The following IL1RAPL1 variants were observed in gnomAD, a reference collection of about 807,000 sequenced individuals.
The protein encoded by IL1RAPL1 is interleukin 1 receptor accessory protein like 1.
Under a neutral mutation model 48.4 loss-of-function variants are expected in IL1RAPL1, and 3 were observed. The ratio of observed to expected loss-of-function variants is 0.06; its 90% CI spans 0.03 to 0.16. The LOEUF (loss-of-function observed/expected upper bound fraction) is 0.16. Among genes scored for constraint, IL1RAPL1 ranks in the 10% least tolerant of loss-of-function variants. IL1RAPL1 has a pLI of 1.00. For missense variants in IL1RAPL1, 349 were observed against 530.6 expected (o/e 0.66, Z 3.36); for synonymous variants, 185 against 187.7 (o/e 0.99, Z 0.12).
chrX:29,469,120 A>T (rs1934894630), intron 5 of IL1RAPL1, among the ~76,000 whole-genome samples: 1 of 112,349 alleles, frequency 8.9e-6, no homozygotes, highest in Admixed American at 9.4e-5. Context: ...GTCTTGTGCC[A>T]AATTTTCTTT....
chrX:29,382,685 ATTTG>A (rs1403002930), intron 3 of IL1RAPL1, among the ~76,000 whole-genome samples: 1 of 111,460 alleles, frequency 9.0e-6, no homozygotes, highest in Non-Finnish European at 1.9e-5. Context: ...TTATTTATGT[ATTTG>A]TTTATTTATT....
intron 3 of IL1RAPL1, among the ~76,000 whole-genome samples, chrX:29,353,527 G>A (rs1602190132): frequency 9.0e-6 from 1 of 111,559 alleles, no homozygotes; most frequent in East Asian, 2.8e-4. Context: ...GACCTCAAAA[G>A]AATACCCTTG....
chrX:29,933,889 CAG>C (rs746228480), intron 8 of IL1RAPL1, among the ~76,000 whole-genome samples: 488 of 110,653 alleles, frequency 4.4e-3, no homozygotes, highest in Non-Finnish European at 6.4e-3. Flanking sequence ...GCCGTATGAG[CAG>C]AGACTTGAAG....
chrX:29,692,034 T>A (rs1406234082), intron 6 of IL1RAPL1, among the ~76,000 whole-genome samples: 1 of 112,239 alleles, frequency 8.9e-6, no homozygotes, highest in Non-Finnish European at 1.9e-5. Flanking sequence ...CACAAAGAAT[T>A]TATTCTCATT....
intron 5 of IL1RAPL1, among the ~76,000 whole-genome samples, chrX:29,600,858 A>G (rs1267227379): frequency 9.0e-6 from 1 of 111,236 alleles, no homozygotes; most frequent in Non-Finnish European, 1.9e-5. Flanking sequence ...AAAAGCAGAC[A>G]GTCACAGATC....
intron 2 of IL1RAPL1, among the ~76,000 whole-genome samples, chrX:28,856,384 A>G (rs905312639): frequency 1.8e-5 from 2 of 112,094 alleles, no homozygotes; most frequent in African/African-American, 6.5e-5. Flanking sequence ...AACTTGGAAC[A>G]AAGGAGTTTT....
intron 1 of IL1RAPL1, among the ~76,000 whole-genome samples, chrX:28,787,688 A>G (rs1377142678): frequency 1.8e-5 from 2 of 111,731 alleles, no homozygotes; most frequent in Non-Finnish European, 3.8e-5. Context: ...GTTTTAACAG[A>G]CTTATTAATA....
At chrX:28,792,080 T>C (rs2147266421) in intron 2 of IL1RAPL1, among the ~76,000 whole-genome samples, 1 of 112,205 alleles carries the variant, frequency 8.9e-6, no homozygotes, top group Admixed American at 9.4e-5. Context: ...GGACTTCTTA[T>C]CTTTCTTCTT....
intron 6 of IL1RAPL1, among the ~76,000 whole-genome samples, chrX:29,816,531 CA>C (rs1279566795): frequency 5.2e-4 from 54 of 103,075 alleles, no homozygotes; most frequent in Admixed American, 1.1e-3. Context: ...GAAACTATTC[CA>C]AAAAAAAAAA....
intron 3 of IL1RAPL1, among the ~76,000 whole-genome samples, chrX:29,306,551 A>AAAAC (rs1569281384): frequency 1.0e-5 from 1 of 100,230 alleles, no homozygotes; most frequent in African/African-American, 3.7e-5. Flanking sequence ...AAAAAAAAAA[A>AAAAC]AACGAAAAAA....
chrX:29,067,165 A>C (rs1235894808), intron 2 of IL1RAPL1, among the ~76,000 whole-genome samples: 3 of 111,660 alleles, frequency 2.7e-5, no homozygotes, highest in Non-Finnish European at 5.6e-5. Context: ...TACAGAGCTC[A>C]TCATACTGCT....
intron 2 of IL1RAPL1, among the ~76,000 whole-genome samples, chrX:29,005,371 G>A (rs1158191250): frequency 2.7e-5 from 3 of 112,159 alleles, no homozygotes; most frequent in East Asian, 2.8e-4. Context: ...GTTAAGTGAA[G>A]TTGAATGCAT....
chrX:28,900,608 A>G (rs1470760863), intron 2 of IL1RAPL1, among the ~76,000 whole-genome samples: 2 of 112,438 alleles, frequency 1.8e-5, no homozygotes, highest in Non-Finnish European at 3.8e-5. Flanking sequence ...ATAATTGACA[A>G]TGTTTTAAAA....
chrX:29,749,655 T>G (rs764835455), intron 6 of IL1RAPL1, among the ~76,000 whole-genome samples: 14 of 110,871 alleles, frequency 1.3e-4, no homozygotes, highest in Non-Finnish European at 2.3e-4. Flanking sequence ...AGGGATCACT[T>G]GGTTTGAAAC....
At chrX:28,591,678 G>T (rs778413683) in intron 1 of IL1RAPL1, among the ~76,000 whole-genome samples, 5 of 110,909 alleles carry the variant, frequency 4.5e-5, no homozygotes, top group Non-Finnish European at 9.4e-5. Flanking sequence ...TTTCCATTAG[G>T]TTTATCGGGA....
chrX:29,337,545 A>T (rs1308301318), intron 3 of IL1RAPL1, among the ~76,000 whole-genome samples: 3 of 111,817 alleles, frequency 2.7e-5, no homozygotes, highest in African/African-American at 9.8e-5. Flanking sequence ...AAGTACCTTT[A>T]CCTCAGTTAA....
chrX:28,964,458 G>A (rs749363007), intron 2 of IL1RAPL1, among the ~76,000 whole-genome samples: 2 of 111,184 alleles, frequency 1.8e-5, no homozygotes, highest in South Asian at 3.7e-4. Context: ...TGGGTGGTTG[G>A]CTCATATACA....
At chrX:29,783,904 A>G (rs1929426505) in intron 6 of IL1RAPL1, among the ~76,000 whole-genome samples, 1 of 111,906 alleles carries the variant, frequency 8.9e-6, no homozygotes. Context: ...TTTTGCTTGG[A>G]TTTTCTTTGT....
chrX:29,116,051 T>C (rs1928671979), intron 2 of IL1RAPL1, among the ~76,000 whole-genome samples: 1 of 111,554 alleles, frequency 9.0e-6, no homozygotes, highest in Non-Finnish European at 1.9e-5. Flanking sequence ...ATTGTACCCG[T>C]TCTCATTATC....
Sources: gnomAD v4.1 joint callset for allele counts (sites outside exome capture counted in the v4.1 genomes callset) on GRCh38, gnomAD v4.1.1 for gene constraint, MANE v1.5 for transcripts, NCBI Gene and HGNC (gene_info 2026-07-23, HGNC 2026-07-21) for gene names.